RGS5: variants seen among roughly 807,000 people sequenced by gnomAD.
The protein encoded by RGS5 is regulator of G-protein signalling 5.
A neutral mutation model predicts 18.9 loss-of-function variants in RGS5; 20 were observed. That is an observed-to-expected ratio of 1.06 (90% CI 0.74 to 1.54). The LOEUF is 1.54. RGS5 is among the 40% of genes most tolerant of loss of function. RGS5 has a pLI of 0.00. For synonymous variants in RGS5, 57 were observed against 76.2 expected, an observed-to-expected ratio of 0.75 and a Z score of 1.31; for missense variants, 201 against 211.8, an observed-to-expected ratio of 0.95 and a Z score of 0.32.
chr1:163,234,991 A>G (rs1428279167), intron 2 of RGS5, among the ~76,000 whole-genome samples: 1 of 152,166 alleles, frequency 6.6e-6, no homozygotes, highest in Non-Finnish European at 1.5e-5. Context: ...GTACACCATC[A>G]CTTCTGCCAC....
At chr1:163,318,230 A>G (rs138136924) in intron 1 of RGS5, among the ~76,000 whole-genome samples, 300 of 152,324 alleles carry the variant, frequency 2.0e-3, no homozygotes, top group African/African-American at 7.0e-3. Context: ...AAGGGAAACA[A>G]GACTGGGAAG....
At chr1:163,160,290 G>A (rs957908067) in intron 3 of RGS5, among the ~76,000 whole-genome samples, 1 of 152,156 alleles carries the variant, frequency 6.6e-6, no homozygotes, top group African/African-American at 2.4e-5. Context: ...TGTGCTCAGA[G>A]TACTAGTATT....
intron 2 of RGS5, among the ~76,000 whole-genome samples, chr1:163,278,278 T>C (rs541636950): frequency 5.3e-5 from 8 of 152,030 alleles, no homozygotes; most frequent in Non-Finnish European, 1.2e-4. Context: ...TTAAGTTACA[T>C]ATAAGGGGAT....
chr1:163,305,284 T>A (rs1467749726), intron 2 of RGS5: 1 of 152,706 alleles, frequency 6.5e-6, no homozygotes, highest in Non-Finnish European at 1.5e-5. Flanking sequence ...CTGTGTGCTG[T>A]CCTGGTGGCT....
At chr1:163,293,802 A>G (rs1403303783) in intron 2 of RGS5, among the ~76,000 whole-genome samples, 2 of 152,232 alleles carry the variant, frequency 1.3e-5, no homozygotes, top group East Asian at 3.8e-4. Flanking sequence ...GACATTGGGT[A>G]AATGTTTCTG....
At chr1:163,192,642 T>C (rs1244645539) in intron 1 of RGS5, among the ~76,000 whole-genome samples, 1 of 152,212 alleles carries the variant, frequency 6.6e-6, no homozygotes, top group Non-Finnish European at 1.5e-5. Flanking sequence ...ATAAACAATA[T>C]TGAGGGTATA....
At chr1:163,258,375 C>T (rs1276048116) in intron 2 of RGS5, among the ~76,000 whole-genome samples, 1 of 152,154 alleles carries the variant, frequency 6.6e-6, no homozygotes, top group Non-Finnish European at 1.5e-5. Flanking sequence ...AATGCTTAAA[C>T]ATGGCAAAGC....
intron 1 of RGS5, among the ~76,000 whole-genome samples, chr1:163,187,235 TAA>T (rs891010801): frequency 1.3e-5 from 2 of 152,158 alleles, no homozygotes; most frequent in Non-Finnish European, 2.9e-5. Flanking sequence ...AAAAATAAAA[TAA>T]AAGTTATTTT....
chr1:163,266,457 T>C (rs1446630937), intron 2 of RGS5: 2 of 152,132 alleles, frequency 1.3e-5, no homozygotes, highest in Non-Finnish European at 2.9e-5. Flanking sequence ...TTTTCTTCAA[T>C]AGCTCCCTAC....
intron 2 of RGS5, among the ~76,000 whole-genome samples, chr1:163,253,473 T>G: frequency 1.2e-5 from 1 of 85,200 alleles, no homozygotes; most frequent in South Asian, 3.5e-4. Flanking sequence ...CATGCCCAAC[T>G]TTTTTTTTTT....
intron 2 of RGS5, among the ~76,000 whole-genome samples, chr1:163,295,620 C>T (rs966035509): frequency 1.6e-4 from 24 of 152,182 alleles, no homozygotes; most frequent in African/African-American, 5.6e-4. Context: ...AAATTGTTCT[C>T]TCTTCCTACG....
intron 1 of RGS5, among the ~76,000 whole-genome samples, chr1:163,200,253 C>T (rs1396541068): frequency 6.6e-6 from 1 of 152,182 alleles, no homozygotes; most frequent in African/African-American, 2.4e-5. Flanking sequence ...ATATGCTATT[C>T]AGACTTTTGT....
At chr1:163,175,000 TG>T (rs1474848993) in intron 1 of RGS5, among the ~76,000 whole-genome samples, 1 of 152,184 alleles carries the variant, frequency 6.6e-6, no homozygotes, top group Non-Finnish European at 1.5e-5. Flanking sequence ...CCCTGCTGGC[TG>T]TGGGAAGGCG....
At chr1:163,151,527 A>C (rs1280602907) in intron 4 of RGS5, among the ~76,000 whole-genome samples, 1 of 152,142 alleles carries the variant, frequency 6.6e-6, no homozygotes, top group Non-Finnish European at 1.5e-5. Flanking sequence ...CCCACATGTC[A>C]AGGGCAGGAC....
chr1:163,297,080 C>G (rs1014495385), intron 2 of RGS5, among the ~76,000 whole-genome samples: 1 of 151,950 alleles, frequency 6.6e-6, no homozygotes, highest in Non-Finnish European at 1.5e-5. Flanking sequence ...TATCTGGGGC[C>G]GGTGTCAGAT....
chr1:163,163,946 C>T (rs573411932), intron 2 of RGS5, among the ~76,000 whole-genome samples: 31 of 152,296 alleles, frequency 2.0e-4, no homozygotes, highest in Admixed American at 7.2e-4. Context: ...GTATACCAAA[C>T]TTAAGCATGT....
At chr1:163,178,105 C>T (rs970739256) in intron 1 of RGS5, among the ~76,000 whole-genome samples, 1 of 152,072 alleles carries the variant, frequency 6.6e-6, no homozygotes, top group South Asian at 2.1e-4. Context: ...GAATTCAAGA[C>T]CAGCCTAGAC....
chr1:163,201,303 C>G (rs1659763274), intron 1 of RGS5, among the ~76,000 whole-genome samples: 1 of 151,910 alleles, frequency 6.6e-6, no homozygotes, highest in South Asian at 2.1e-4. Context: ...GAAAACTTTC[C>G]CTATTTCTTA....
At chr1:163,183,429 AC>A (rs1295883163) in intron 1 of RGS5, among the ~76,000 whole-genome samples, 1 of 152,212 alleles carries the variant, frequency 6.6e-6, no homozygotes, top group East Asian at 1.9e-4. Context: ...ATTATTCCTG[AC>A]CTGAAATTGC....
Sources: allele counts gnomAD v4.1 joint callset (sites outside exome capture counted in the v4.1 genomes callset), GRCh38; gene constraint gnomAD v4.1.1; transcripts MANE v1.5; gene names NCBI Gene and HGNC (gene_info 2026-07-23, HGNC 2026-07-21).